The following RASA2 variants were observed in gnomAD, a reference collection of about 807,000 sequenced individuals.
The protein encoded by RASA2 is ras GTPase-activating protein 2.
Under a neutral mutation model 118.2 loss-of-function variants are expected in RASA2, and 155 were observed. The ratio of observed to expected loss-of-function variants is 1.31; its 90% CI spans 1.15 to 1.50. The LOEUF (loss-of-function observed/expected upper bound fraction) is 1.50. Ranked by LOEUF, RASA2 falls within the 40% of genes most tolerant of loss-of-function variation. The pLI, the probability that RASA2 is intolerant of heterozygous loss-of-function variation, is 0.00. For synonymous variants in RASA2, 353 were observed against 349.1 expected (o/e 1.01, Z -0.12); for missense variants, 1,016 against 1,009.6 (o/e 1.01, Z -0.09).
At chr3:141,608,349 A>G (rs544418145) in intron 20 of RASA2, 140 bp from the exon 21 acceptor site, 216 of 781,296 alleles carry the variant, frequency 2.8e-4, no homozygotes, top group Admixed American at 1.6e-3. Context: ...CTTGCTTGAA[A>G]CATAATAATT....
In RASA2 at chr3:141,571,194, A is replaced by G. The variant is rs1284891693; in HGVS notation, c.1020+126A>G. On this transcript the variant is annotated intron_variant, in intron 10 of 23. Coordinates refer to ENST00000286364, the MANE Select transcript of RASA2 (RefSeq NM_006506.5). Reference sequence around the variant, plus strand: ...CAGTAAAAATTATATACATACATATATATACACACACACATTTCTATTTAT... The same window carrying G: ...CAGTAAAAATTATATACATACATATGTATACACACACACATTTCTATTTAT... 2.8e-5 allele frequency: 31 copies of G among 1,111,382 alleles called. No homozygotes were observed. The East Asian group carries it at 7.6e-4, about 27-fold the overall frequency. The allele number at this position is 1,111,382 out of a possible 1,614,324, so 68.8% of individuals were successfully genotyped here.
chr3:141,570,647 C>T (rs934665062), intron 9 of RASA2, among the ~76,000 whole-genome samples: 3 of 152,164 alleles, frequency 2.0e-5, no homozygotes, highest in Non-Finnish European at 4.4e-5. Flanking sequence ...GCTAATCAAA[C>T]TCTTGTTCAA....
chr3:141,514,176 C>T (rs2081991121), intron 2 of RASA2, among the ~76,000 whole-genome samples: 1 of 152,010 alleles, frequency 6.6e-6, no homozygotes, highest in South Asian at 2.1e-4. Flanking sequence ...AGACTTGTAT[C>T]CAGAATTTAT....
chr3:141,512,362 A>G (rs2081964819), intron 2 of RASA2, 82 bp downstream of exon 2: 1 of 1,000,640 alleles, frequency 1.0e-6, no homozygotes, highest in African/African-American at 1.7e-5. Flanking sequence ...ATAATAATCA[A>G]GAAGACAAGA....
chr3:141,604,835 A>G (rs2083522081), intron 19 of RASA2, among the ~76,000 whole-genome samples: 1 of 152,114 alleles, frequency 6.6e-6, no homozygotes, highest in African/African-American at 2.4e-5. Context: ...CAGCACACCA[A>G]CATGGCACAT....
intron 1 of RASA2, among the ~76,000 whole-genome samples, chr3:141,506,225 G>T (rs559871655): frequency 8.5e-5 from 13 of 152,366 alleles, no homozygotes; most frequent in Admixed American, 1.3e-4. Context: ...TAGAGGAACA[G>T]TTGGTTGTCA....
intron 9 of RASA2, among the ~76,000 whole-genome samples, chr3:141,565,090 A>G (rs1210721055): frequency 6.6e-6 from 1 of 151,936 alleles, no homozygotes; most frequent in Non-Finnish European, 1.5e-5. Context: ...GGTTCAAGCG[A>G]TTCTCCTGCC....
chr3:141,549,472 A>AGTGTGTGTGCGTGTGTGTGT (rs1553790597), intron 5 of RASA2, among the ~76,000 whole-genome samples: 3 of 134,724 alleles, frequency 2.2e-5, no homozygotes, highest in African/African-American at 8.6e-5. Flanking sequence ...AGTGTGTATG[A>AGTGTGTGTGCGTGTGTGTGT]GTGTGTGTGT....
At chr3:141,510,794 A>T (rs926349426) in intron 1 of RASA2, among the ~76,000 whole-genome samples, 1 of 152,216 alleles carries the variant, frequency 6.6e-6, no homozygotes, top group Non-Finnish European at 1.5e-5. Flanking sequence ...GGTTGGGGGA[A>T]TGGAAGGAGA....
intron 5 of RASA2, among the ~76,000 whole-genome samples, chr3:141,548,462 C>G (rs2082521116): frequency 2.6e-5 from 4 of 152,050 alleles, no homozygotes; most frequent in Middle Eastern, 3.4e-3. Context: ...TCCATTTATT[C>G]TTTTTTTCAA....
At chr3:141,612,003 C>G (rs2083660261) in intron 23 of RASA2, among the ~76,000 whole-genome samples, 1 of 152,160 alleles carries the variant, frequency 6.6e-6, no homozygotes, top group Non-Finnish European at 1.5e-5. Flanking sequence ...CTCTACCATA[C>G]TAAATATCTT....
chr3:141,605,133 T>G (rs1262657263), intron 19 of RASA2, among the ~76,000 whole-genome samples: 3 of 152,102 alleles, frequency 2.0e-5, no homozygotes, highest in Non-Finnish European at 4.4e-5. Flanking sequence ...TTCTAATGTT[T>G]TTCTGCCTAG....
intron 19 of RASA2, among the ~76,000 whole-genome samples, chr3:141,602,936 A>G (rs933427420): frequency 6.6e-5 from 10 of 152,208 alleles, no homozygotes; most frequent in African/African-American, 2.4e-4. Flanking sequence ...AGGCTTTCAT[A>G]GCCCTCTTGC....
At chr3:141,504,968 G>C (rs927491944) in intron 1 of RASA2, among the ~76,000 whole-genome samples, 29 of 152,070 alleles carry the variant, frequency 1.9e-4, no homozygotes, top group African/African-American at 7.0e-4. Flanking sequence ...CCAGATATCT[G>C]TATGGCTTAT....
Position 141,612,539 on chromosome 3 carries a change from A to G in RASA2, c.*226A>G, listed in dbSNP as rs1157436735. ...CCAAGATTCCCTTCATACCTGTGTG[A>G]CCAAATCCATGTTTCTGCAACTTCT... On this transcript the variant is annotated 3_prime_UTR_variant, in exon 24 of 24. Transcript: ENST00000286364. The G allele has an allele frequency of 1.0e-5, 4 of 398,094 alleles. No individual in the cohort carries two copies. Among genetic ancestry groups the G allele is most frequent in the Non-Finnish European group, 1.8e-5 (4 of 218,704 alleles). The allele number at this position is 398,094 out of a possible 1,614,324, so 24.7% of individuals were successfully genotyped here.
intron 1 of RASA2, among the ~76,000 whole-genome samples, chr3:141,497,071 A>T (rs564515762): frequency 6.6e-6 from 1 of 151,030 alleles, no homozygotes; most frequent in South Asian, 2.1e-4. Flanking sequence ...AAGGACGAAA[A>T]ACCAAACACC....
intron 4 of RASA2, among the ~76,000 whole-genome samples, chr3:141,535,423 T>C (rs1484210544): frequency 6.6e-6 from 1 of 152,210 alleles, no homozygotes; most frequent in Admixed American, 6.5e-5. Context: ...AAATTTAGTG[T>C]TTTGTGATAA....
chr3:141,580,069 GAAAAAA>G (rs1165547118), intron 15 of RASA2, among the ~76,000 whole-genome samples: 1 of 67,932 alleles, frequency 1.5e-5, no homozygotes, highest in Non-Finnish European at 2.4e-5. Context: ...AAAAAAAAAA[GAAAAAA>G]AAAAAAAAAA....
chr3:141,573,330 A>G lies in RASA2; in HGVS notation c.1359+109A>G, dbSNP rs942287855. On this transcript the variant is annotated intron_variant, in intron 13 of 23. Coordinates refer to ENST00000286364, the MANE Select transcript of RASA2 (RefSeq NM_006506.5). ...CATATAGAGGGAAGCAGTGCTGTTT[A>G]TTCTTCACATAAGCCTTTATTATTA... 4 of 1,169,056 alleles carry G rather than the reference A, an allele frequency of 3.4e-6. No homozygotes were observed. The African/African-American group carries it at 6.5e-5, about 19-fold the overall frequency. The allele number at this position is 1,169,056 out of a possible 1,614,324, so 72.4% of individuals were successfully genotyped here.
Sources: allele counts gnomAD v4.1 joint callset (sites outside exome capture counted in the v4.1 genomes callset), GRCh38; gene constraint gnomAD v4.1.1; transcripts MANE v1.5; gene names NCBI Gene and HGNC (gene_info 2026-07-23, HGNC 2026-07-21).